ITPR2: variants seen among roughly 807,000 people sequenced by gnomAD.
ITPR2 encodes inositol 1,4,5-trisphosphate receptor type 2, also known as inositol 1,4,5-trisphosphate-gated calcium channel ITPR2.
Under a neutral mutation model 317.1 loss-of-function variants are expected in ITPR2, and 207 were observed. The observed-to-expected ratio is 0.65, with a 90% CI of 0.58 to 0.73. ITPR2 has a LOEUF of 0.73. Among genes scored for constraint, ITPR2 ranks in the 30% least tolerant of loss-of-function variants. The pLI, the probability that ITPR2 is intolerant of heterozygous loss-of-function variation, is 0.00. For synonymous variants in ITPR2, 1,156 were observed against 1,149.1 expected (o/e 1.01, Z -0.12); for missense variants, 2,613 against 3,284.0 (o/e 0.80, Z 4.99).
intron 21 of ITPR2, among the ~76,000 whole-genome samples, chr12:26,640,730 G>A (rs1245110405): frequency 6.9e-6 from 1 of 144,236 alleles, no homozygotes; most frequent in Non-Finnish European, 1.5e-5. Flanking sequence ...AAAGACACAA[G>A]TATATATTTG....
At chr12:26,354,993 T>C (rs1938588348) in intron 55 of ITPR2, among the ~76,000 whole-genome samples, 1 of 152,158 alleles carries the variant, frequency 6.6e-6, no homozygotes, top group Non-Finnish European at 1.5e-5. Flanking sequence ...CTGTCTTCCC[T>C]AGATCACCTG....
chr12:26,622,431 G>C (rs770019786), intron 24 of ITPR2, 26 bp from the exon 25 acceptor site: 2 of 1,552,110 alleles, frequency 1.3e-6, no homozygotes, highest in Non-Finnish European at 1.7e-6. Flanking sequence ...CATTTCTAAA[G>C]TGACTCCTAT....
intron 8 of ITPR2, among the ~76,000 whole-genome samples, chr12:26,712,000 G>A (rs1948650838): frequency 6.6e-6 from 1 of 152,154 alleles, no homozygotes; most frequent in Non-Finnish European, 1.5e-5. Context: ...GAGCCCCTAG[G>A]CTCACTGGGA....
At chr12:26,374,335 A>G (rs1017883975) in intron 55 of ITPR2, among the ~76,000 whole-genome samples, 5 of 152,228 alleles carry the variant, frequency 3.3e-5, no homozygotes, top group Admixed American at 6.5e-5. Context: ...AGCTCTAAAC[A>G]GGTAACTGTG....
Position 26,494,332 on chromosome 12 carries a change from A to G in ITPR2, c.5191T>C (p.Ser1731Pro), listed in dbSNP as rs763557634. 14 of 1,601,044 alleles carry G rather than the reference A, an allele frequency of 8.7e-6. No homozygotes were observed. The African/African-American group carries it at 1.9e-4, about 22-fold the overall frequency. The change falls in exon 39 of 57, where the codon TCT (serine) becomes CCT (proline). Residue 1731 changes from serine (S) to proline (P), a missense_variant. This residue lies in a region of ITPR2 where 926 missense variants were observed against 1,072.8 expected (regional missense o/e 0.86). Transcript: ENST00000381340. ...CCCATCTTATCTGAATCTTGTCCAG[A>G]AAAGCTTCCTGTGATTGGGAAAAAT... ...SKTAQVGGSF[S>P]GQDSDKMGIS...
At chr12:26,510,857 T>G (rs1162718939) in intron 37 of ITPR2, among the ~76,000 whole-genome samples, 1 of 152,110 alleles carries the variant, frequency 6.6e-6, no homozygotes, top group East Asian at 1.9e-4. Context: ...TTTTGAGGAG[T>G]GTGCATTTGT....
At chr12:26,540,110 T>C (rs1476147546) in intron 37 of ITPR2, among the ~76,000 whole-genome samples, 2 of 152,230 alleles carry the variant, frequency 1.3e-5, no homozygotes, top group African/African-American at 4.8e-5. Flanking sequence ...TCTACCCTCC[T>C]AGATTCTCAG....
chr12:26,380,732 G>A (rs1939484455), intron 55 of ITPR2, among the ~76,000 whole-genome samples: 1 of 152,156 alleles, frequency 6.6e-6, no homozygotes, highest in African/African-American at 2.4e-5. Context: ...TAAAGCAGGA[G>A]GGGTGCATAG....
At chr12:26,515,229 T>C (rs1943454895) in intron 37 of ITPR2, among the ~76,000 whole-genome samples, 1 of 152,198 alleles carries the variant, frequency 6.6e-6, no homozygotes, top group Admixed American at 6.5e-5. Context: ...CTTGGAATGC[T>C]CAAATATTAG....
At chr12:26,461,867 T>C (rs948320042) in intron 45 of ITPR2, among the ~76,000 whole-genome samples, 3 of 151,804 alleles carry the variant, frequency 2.0e-5, no homozygotes, top group Non-Finnish European at 4.4e-5. Flanking sequence ...TACCATATAA[T>C]TTCAAATAAT....
rs1019717541 is a variant in ITPR2, at chr12:26,831,737, AAT to A, written c.92+951_92+952del. On this transcript the variant is annotated intron_variant, in intron 1 of 56. Transcript: ENST00000381340. The surrounding 1 kb of genome is among the most constrained non-coding windows in gnomAD (Gnocchi z 4.9). ...ATATATATTCTACATAAAATATATAAATATATATTCTACATAAAATATATAAA... is the reference window on the plus strand; with the variant it reads ...ATATATATTCTACATAAAATATATAAATATATTCTACATAAAATATATAAA... Among the ~76,000 whole-genome samples, 2 of 123,914 alleles carry A rather than the reference AAT, an allele frequency of 1.6e-5. No individual in the cohort carries two copies. The highest frequency in any genetic ancestry group is 5.4e-5 in the African/African-American group (2 of 36,836). The allele number at this position is 123,914 out of a possible 152,430, so 81.3% of individuals were successfully genotyped here. A position where few individuals can be genotyped will look rare whatever the true frequency, so the allele number is the denominator to read the frequency against.
At chr12:26,390,664 T>C (rs952264058) in intron 54 of ITPR2, among the ~76,000 whole-genome samples, 7 of 152,196 alleles carry the variant, frequency 4.6e-5, no homozygotes, top group Admixed American at 1.3e-4. Context: ...AAATCAATTA[T>C]GGTGATGGAT....
chr12:26,589,030 A>G (rs908339847), intron 32 of ITPR2, among the ~76,000 whole-genome samples: 2 of 152,236 alleles, frequency 1.3e-5, no homozygotes, highest in South Asian at 4.1e-4. Flanking sequence ...ACAATCAGTT[A>G]TAAAGCCAAA....
intron 8 of ITPR2, among the ~76,000 whole-genome samples, chr12:26,712,944 C>T (rs1948675056): frequency 6.6e-6 from 1 of 152,228 alleles, no homozygotes; most frequent in African/African-American, 2.4e-5. Flanking sequence ...GTGTGGCCCT[C>T]AGGACCAGCC....
chr12:26,477,126 T>C (rs1475676066), intron 43 of ITPR2, 119 bp from the exon 44 acceptor site: 4 of 586,874 alleles, frequency 6.8e-6, no homozygotes, highest in African/African-American at 3.8e-5. Context: ...AATTTAAAAC[T>C]GCTAATTTCA....
At chr12:26,769,027 C>CACACACACA (rs55797555) in intron 2 of ITPR2, among the ~76,000 whole-genome samples, 20,669 of 111,630 alleles carry the variant, frequency 0.19, 2,003 homozygotes, top group Non-Finnish European at 0.24. Flanking sequence ...ACACACACAC[C>CACACACACA]CCAATCTCAG....
intron 1 of ITPR2, among the ~76,000 whole-genome samples, chr12:26,801,781 TACTC>T (rs887272748): frequency 7.9e-5 from 12 of 152,310 alleles, no homozygotes; most frequent in African/African-American, 2.6e-4. Context: ...CTTTGCCAGT[TACTC>T]ACTGTATAAC....
At chr12:26,829,216 A>T (rs1951058633) in intron 1 of ITPR2, among the ~76,000 whole-genome samples, 1 of 142,874 alleles carries the variant, frequency 7.0e-6, no homozygotes, top group Non-Finnish European at 1.6e-5. Flanking sequence ...TGATATTCCC[A>T]ATTTTTTATT....
chr12:26,398,284 G>A (rs1258226237), intron 54 of ITPR2, among the ~76,000 whole-genome samples: 1 of 152,126 alleles, frequency 6.6e-6, no homozygotes, highest in Non-Finnish European at 1.5e-5. Context: ...TTAGCCAGGT[G>A]TGGTGGTACA....
Sources: gnomAD v4.1 joint callset for allele counts (sites outside exome capture counted in the v4.1 genomes callset) on GRCh38, gnomAD v4.1.1 for gene constraint, gnomAD v4.1.1 regional missense constraint, Gnocchi (gnomAD v3.1) non-coding constraint, MANE v1.5 for transcripts, NCBI Gene and HGNC (gene_info 2026-07-23, HGNC 2026-07-21) for gene names.